DCLK2: variants seen among roughly 807,000 people sequenced by gnomAD.
DCLK2 encodes doublecortin like kinase 2.
In DCLK2, 31 loss-of-function variants were observed where a neutral mutation model predicts 78.4. The ratio of observed to expected loss-of-function variants is 0.40; its 90% CI spans 0.30 to 0.53. DCLK2 has a LOEUF of 0.53. Among genes scored for constraint, DCLK2 ranks in the 20% least tolerant of loss-of-function variants. The pLI is 0.61. For synonymous variants in DCLK2, 407 were observed against 374.9 expected (o/e 1.09, Z -0.99); for missense variants, 872 against 973.7 (o/e 0.90, Z 1.39).
chr4:150,211,636 C>G (rs1400752908), intron 5 of DCLK2, among the ~76,000 whole-genome samples: 1 of 152,192 alleles, frequency 6.6e-6, no homozygotes, highest in Non-Finnish European at 1.5e-5. Context: ...CTGCCAGAGT[C>G]TCACCCCATC....
chr4:150,225,049 T>A (rs1741497984), intron 8 of DCLK2, among the ~76,000 whole-genome samples: 1 of 152,200 alleles, frequency 6.6e-6, no homozygotes, highest in Non-Finnish European at 1.5e-5. Flanking sequence ...GCTGGATGAT[T>A]TACACACAGT....
In DCLK2 at chr4:150,165,293, T is replaced by C. The variant is rs553058841; in HGVS notation, c.757-27845T>C. Among the ~76,000 whole-genome samples the C allele has an allele frequency of 3.9e-5, 6 of 152,368 alleles. No individual in the cohort carries two copies. In the East Asian group the frequency reaches 1.2e-3, roughly 29 times the overall value. ...CCTTTGAGTACACCAGCACTGTTTC[T>C]GTTCTATAGATCTGGCAGCTGTTAG... On this transcript the variant is annotated intron_variant, in intron 2 of 15. Transcript: ENST00000296550.
intron 2 of DCLK2, among the ~76,000 whole-genome samples, chr4:150,127,179 T>C (rs1419479621): frequency 6.6e-6 from 1 of 152,148 alleles, no homozygotes; most frequent in Non-Finnish European, 1.5e-5. Flanking sequence ...CACCTGTACA[T>C]TTATAATTTT....
chr4:150,123,381 G>A (rs934816390), intron 2 of DCLK2, among the ~76,000 whole-genome samples: 1 of 152,108 alleles, frequency 6.6e-6, no homozygotes, highest in African/African-American at 2.4e-5. Flanking sequence ...GAGAGATGAG[G>A]GAGCAGCTGG....
intron 15 of DCLK2, chr4:150,254,576 G>T: frequency 5.0e-6 from 2 of 398,190 alleles, no homozygotes; most frequent in Admixed American, 4.4e-5. Flanking sequence ...AAACCTGTAT[G>T]CTGGCTCTCT....
At chr4:150,162,610 C>G (rs1478742966) in intron 2 of DCLK2, among the ~76,000 whole-genome samples, 1 of 151,662 alleles carries the variant, frequency 6.6e-6, no homozygotes, top group African/African-American at 2.4e-5. Context: ...TGAGCTTTTT[C>G]TAAGTCTTCT....
At chr4:150,147,459 A>G (rs1013343961) in intron 2 of DCLK2, among the ~76,000 whole-genome samples, 6 of 149,312 alleles carry the variant, frequency 4.0e-5, no homozygotes, top group African/African-American at 7.3e-5. Flanking sequence ...ATTTATTTCT[A>G]TATCATTATT....
intron 15 of DCLK2, among the ~76,000 whole-genome samples, chr4:150,253,112 C>T (rs1744302892): frequency 1.3e-5 from 2 of 152,116 alleles, no homozygotes; most frequent in South Asian, 4.2e-4. Context: ...CCTCATCCTC[C>T]TCATCCTCCT....
chr4:150,120,701 T>C (rs1474497811), intron 2 of DCLK2, among the ~76,000 whole-genome samples: 1 of 152,240 alleles, frequency 6.6e-6, no homozygotes, highest in Non-Finnish European at 1.5e-5. Flanking sequence ...AGATAAGTTA[T>C]GTTTGAGCTA....
chr4:150,241,945 G>T (rs1227277619), intron 12 of DCLK2, among the ~76,000 whole-genome samples: 1 of 152,192 alleles, frequency 6.6e-6, no homozygotes, highest in Non-Finnish European at 1.5e-5. Context: ...TGTGAATTTT[G>T]GGGAGACATG....
At chr4:150,166,080 A>G (rs555208998) in intron 2 of DCLK2, among the ~76,000 whole-genome samples, 1 of 152,150 alleles carries the variant, frequency 6.6e-6, no homozygotes, top group East Asian at 1.9e-4. Context: ...AACTACCCAG[A>G]CTGTGGTGTT....
In DCLK2 at chr4:150,256,205, G is replaced by C. The variant is rs768455393; in HGVS notation, c.2259G>C (p.Pro753=). 1 of 1,391,614 alleles carries C rather than the reference G, an allele frequency of 7.2e-7. No homozygotes were observed. The highest frequency in any genetic ancestry group is 9.4e-7 in the Non-Finnish European group (1 of 1,064,610). The allele number at this position is 1,391,614 out of a possible 1,614,324, so 86.2% of individuals were successfully genotyped here. A position where few individuals can be genotyped will look rare whatever the true frequency, so the allele number is the denominator to read the frequency against. ...SPTPHPPPAA[P]GGERAGTWRR... Reference sequence around the variant, plus strand: ...CCCCCCACCCTCCTCCCGCTGCCCCGGGTGGTGAGCGGGCAGGAACCTGGC... The same window carrying C: ...CCCCCCACCCTCCTCCCGCTGCCCCCGGTGGTGAGCGGGCAGGAACCTGGC... Residue 753 remains proline, a synonymous_variant, in exon 16 of 16, where the codon CCG becomes CCC. Transcript: ENST00000296550.
chr4:150,199,545 G>A (rs1235604260), intron 4 of DCLK2, among the ~76,000 whole-genome samples: 2 of 152,160 alleles, frequency 1.3e-5, no homozygotes, highest in African/African-American at 2.4e-5. Context: ...GGATTATGAG[G>A]TGTTTCTTAT....
At chr4:150,187,220 G>T (rs1738023806) in intron 2 of DCLK2, among the ~76,000 whole-genome samples, 1 of 152,068 alleles carries the variant, frequency 6.6e-6, no homozygotes, top group African/African-American at 2.4e-5. Flanking sequence ...AGAGTATAGT[G>T]CAGTGGTATG....
At chr4:150,221,601 A>G in intron 6 of DCLK2, 76 bp from the exon 7 acceptor site, 3 of 893,820 alleles carry the variant, frequency 3.4e-6, no homozygotes, top group Non-Finnish European at 5.1e-6. Context: ...ATCGCAGTTT[A>G]CTATTTTACA....
intron 11 of DCLK2, 24 bp from the exon 12 acceptor site, chr4:150,240,375 C>T (rs769998230): frequency 3.1e-6 from 5 of 1,611,934 alleles, no homozygotes; most frequent in Non-Finnish European, 4.2e-6. Flanking sequence ...AGTTCTCTCC[C>T]CCTCACCCAC....
Position 150,193,131 on chromosome 4 carries a change from T to C in DCLK2, c.757-7T>C. On this transcript the variant is annotated splice_region_variant and splice_polypyrimidine_tract_variant and intron_variant, in intron 2 of 15. Transcript: ENST00000296550. ...ATTTATTTCTTGGACATGATTTTTG[T>C]TCTCAGGTTACTTGTCTGCAAGACT... 6.4e-7 allele frequency: 1 copy of C among 1,570,098 alleles called. No homozygotes were observed. The highest frequency in any genetic ancestry group is 8.7e-7 in the Non-Finnish European group (1 of 1,143,340).
chr4:150,186,685 A>G (rs1400889931), intron 2 of DCLK2, among the ~76,000 whole-genome samples: 1 of 152,226 alleles, frequency 6.6e-6, no homozygotes, highest in East Asian at 1.9e-4. Context: ...CAGATGTTCT[A>G]CATTAAAAAG....
intron 5 of DCLK2, among the ~76,000 whole-genome samples, chr4:150,211,689 G>C (rs553830734): frequency 3.1e-4 from 47 of 152,152 alleles, no homozygotes; most frequent in Non-Finnish European, 5.1e-4. Context: ...TTGTTCGTCA[G>C]ACTGCTGACT....
Sources: gnomAD v4.1 joint callset for allele counts (sites outside exome capture counted in the v4.1 genomes callset) on GRCh38, gnomAD v4.1.1 for gene constraint, MANE v1.5 for transcripts, NCBI Gene and HGNC (gene_info 2026-07-23, HGNC 2026-07-21) for gene names.